The following RIN3 variants were observed in gnomAD, a reference collection of about 807,000 sequenced individuals.
The protein encoded by RIN3 is RAB5 interacting protein 3.
Under a neutral mutation model 76.3 loss-of-function variants are expected in RIN3, and 54 were observed. The ratio of observed to expected loss-of-function variants is 0.71; its 90% CI spans 0.57 to 0.89. The LOEUF is 0.89. Ranked by LOEUF, RIN3 falls within the 40% of genes least tolerant of loss-of-function variation. The pLI, the probability that RIN3 is intolerant of heterozygous loss-of-function variation, is 0.00. For missense variants in RIN3, 1,256 were observed against 1,322.1 expected (o/e 0.95, Z 0.78); for synonymous variants, 576 against 564.0 (o/e 1.02, Z -0.30).
rs1887285596 is a variant in RIN3 at position 92,648,551 on chromosome 14, TG to T, written c.533-3030del. ...TCTTGCCCTTGAAACTAACCTTGCC[TG>T]TGTCCCCTTCCTCAGAGGCCTGACT... On this transcript the variant is annotated intron_variant, in intron 5 of 9. Transcript: ENST00000216487. The surrounding 1 kb of genome is among the most constrained non-coding windows in gnomAD (Gnocchi z 4.1). Among the ~76,000 whole-genome samples, 3 of 152,128 alleles carry T rather than the reference TG, an allele frequency of 2.0e-5. No individual in the cohort carries two copies. In the South Asian group the frequency reaches 6.3e-4, roughly 32 times the overall value.
At chr14:92,544,388 T>C (rs1454565659) in intron 1 of RIN3, among the ~76,000 whole-genome samples, 1 of 128,552 alleles carries the variant, frequency 7.8e-6, no homozygotes, top group Non-Finnish European at 1.6e-5. Context: ...TTCTCTGGCT[T>C]CTGCTCTGGT....
At chr14:92,592,414 A>C (rs985413465) in intron 3 of RIN3, among the ~76,000 whole-genome samples, 1 of 151,182 alleles carries the variant, frequency 6.6e-6, no homozygotes, top group Non-Finnish European at 1.5e-5. Flanking sequence ...AAAAAAAAAA[A>C]AAAGGTACAG....
chr14:92,619,110 T>C (rs1239720774), intron 4 of RIN3, among the ~76,000 whole-genome samples: 1 of 152,214 alleles, frequency 6.6e-6, no homozygotes, highest in African/African-American at 2.4e-5. Context: ...CACATATTAG[T>C]ATTATTCACA....
intron 7 of RIN3, among the ~76,000 whole-genome samples, chr14:92,661,953 G>GA (rs1887904502): frequency 6.6e-6 from 1 of 152,202 alleles, no homozygotes; most frequent in Admixed American, 6.5e-5. Flanking sequence ...AGAACCCAGA[G>GA]AACAGGCCCA....
At position 92,659,252 on chromosome 14, in the gene RIN3, T is replaced by C. The variant is rs1887787621; in HGVS notation, c.2118T>C (p.Asp706=). Residue 706 remains aspartate, a synonymous_variant, in exon 7 of 10, where the codon GAT becomes GAC. Coordinates refer to ENST00000216487, the MANE Select transcript of RIN3 (RefSeq NM_024832.5). ...NSCLHQIHSK[D]GSLQQLKENQ... Reference sequence around the variant, plus strand: ...GCCTGCATCAGATCCACAGCAAGGATGGTTCGCTGCAGCAGCTCAAGGAGA... The same window carrying C: ...GCCTGCATCAGATCCACAGCAAGGACGGTTCGCTGCAGCAGCTCAAGGAGA... 6 of 1,614,076 alleles carry C rather than the reference T, an allele frequency of 3.7e-6. No individual in the cohort carries two copies. The highest frequency in any genetic ancestry group is 2.7e-5 in the African/African-American group (2 of 74,928).
At chr14:92,571,951 A>T (rs895184353) in intron 2 of RIN3, among the ~76,000 whole-genome samples, 7 of 152,302 alleles carry the variant, frequency 4.6e-5, no homozygotes, top group African/African-American at 1.4e-4. Context: ...CAGAAGAAAG[A>T]ATTTGACCAA....
chr14:92,565,983 C>G (rs542415688), intron 2 of RIN3, among the ~76,000 whole-genome samples: 4 of 152,340 alleles, frequency 2.6e-5, no homozygotes, highest in African/African-American at 9.6e-5. Flanking sequence ...TGGATCACCT[C>G]TGACAGAAGT....
chr14:92,561,044 A>AATATATAT lies in RIN3; in HGVS notation c.249+5094_249+5101dup, dbSNP rs1555383857. ...CTAAAAAAAAAAAAAAAAAAAAAAAAATATATATATATCTGCCATATATAT... is the reference window on the plus strand; with the variant it reads ...CTAAAAAAAAAAAAAAAAAAAAAAAAATATATATATATATATATATCTGCCATATATAT... On this transcript the variant is annotated intron_variant, in intron 2 of 9. Coordinates refer to ENST00000216487, the MANE Select transcript of RIN3 (RefSeq NM_024832.5). Among the ~76,000 whole-genome samples the AATATATAT allele has an allele frequency of 7.4e-3, 180 of 24,402 alleles. 9 individuals are homozygous for AATATATAT. The highest frequency in any genetic ancestry group is 0.022 in the African/African-American group (169 of 7,732). The allele number at this position is 24,402 out of a possible 152,430, so 16.0% of individuals were successfully genotyped here. A position where few individuals can be genotyped will look rare whatever the true frequency, so the allele number is the denominator to read the frequency against.
Position 92,688,296 on chromosome 14 carries a change from G to T in RIN3, c.*44G>T, listed in dbSNP as rs997087060. On this transcript the variant is annotated 3_prime_UTR_variant, in exon 10 of 10. Transcript: ENST00000216487. ...CCCCTCACCCCCAGGCGCACGTCTG[G>T]CCCCGCCTCTGGCTGCGCACTCCCG... is the stretch of plus-strand genomic sequence containing the variant. 6.8e-7 allele frequency: 1 copy of T among 1,471,874 alleles called. No individual in the cohort carries two copies. The highest frequency in any genetic ancestry group is 2.3e-5 in the Admixed American group (1 of 43,320). 91.2% of individuals were successfully genotyped at this position (1,471,874 alleles called of 1,614,324 possible). A position where few individuals can be genotyped will look rare whatever the true frequency, so the allele number is the denominator to read the frequency against.
chr14:92,575,845 G>A (rs1416786515), intron 2 of RIN3, among the ~76,000 whole-genome samples: 1 of 152,082 alleles, frequency 6.6e-6, no homozygotes, highest in Non-Finnish European at 1.5e-5. Context: ...GACTTAGAAT[G>A]CCCTAACCTC....
intron 1 of RIN3, among the ~76,000 whole-genome samples, chr14:92,519,483 G>T (rs1896534709): frequency 6.6e-6 from 1 of 152,292 alleles, no homozygotes; most frequent in South Asian, 2.1e-4. Context: ...AGCCTGCCTG[G>T]CCATCAGCTG....
In RIN3 at chr14:92,685,198, C is replaced by T; in HGVS notation, c.2631+48C>T. The T allele has an allele frequency of 6.6e-7, 1 of 1,525,980 alleles. No homozygotes were observed. The highest frequency in any genetic ancestry group is 8.9e-7 in the Non-Finnish European group (1 of 1,127,344). 94.5% of individuals were successfully genotyped at this position (1,525,980 alleles called of 1,614,324 possible). A position where few individuals can be genotyped will look rare whatever the true frequency, so the allele number is the denominator to read the frequency against. ...GCCCGGTGGGGCCATGTCCCAGACA[C>T]CATCCCTGCTGCCTGCTGGCTAAGG... On this transcript the variant is annotated intron_variant, in intron 9 of 9. Coordinates refer to ENST00000216487, the MANE Select transcript of RIN3 (RefSeq NM_024832.5). The surrounding 1 kb of genome is among the most constrained non-coding windows in gnomAD (Gnocchi z 4.7).
At chr14:92,624,818 CT>C (rs774988797) in intron 4 of RIN3, among the ~76,000 whole-genome samples, 1 of 152,176 alleles carries the variant, frequency 6.6e-6, no homozygotes, top group Non-Finnish European at 1.5e-5. Context: ...GGATTTTCCC[CT>C]GGGACTATGG....
chr14:92,602,116 T>C (rs373133466), intron 3 of RIN3, among the ~76,000 whole-genome samples: 2 of 152,338 alleles, frequency 1.3e-5, no homozygotes, highest in East Asian at 1.9e-4. Flanking sequence ...GGCAAGGTCC[T>C]GGACCCAGGA....
chr14:92,534,244 T>TA (rs1327186945), intron 1 of RIN3, among the ~76,000 whole-genome samples: 1 of 150,972 alleles, frequency 6.6e-6, no homozygotes, highest in Non-Finnish European at 1.5e-5. Flanking sequence ...ATGTCATTTT[T>TA]TTTTTTTTTT....
At chr14:92,662,647 G>C (rs969629024) in intron 7 of RIN3, among the ~76,000 whole-genome samples, 2 of 152,176 alleles carry the variant, frequency 1.3e-5, no homozygotes, top group African/African-American at 4.8e-5. Context: ...CGTTTCCCCT[G>C]GGTTTGCTAG....
At chr14:92,539,266 A>G (rs1897078605) in intron 1 of RIN3, among the ~76,000 whole-genome samples, 1 of 152,084 alleles carries the variant, frequency 6.6e-6, no homozygotes, top group Admixed American at 6.5e-5. Context: ...GGCCCATACT[A>G]AGTGCTGAAT....
intron 1 of RIN3, among the ~76,000 whole-genome samples, chr14:92,529,358 C>T (rs1896826327): frequency 6.6e-6 from 1 of 151,802 alleles, no homozygotes; most frequent in Non-Finnish European, 1.5e-5. Flanking sequence ...ACACGATTCT[C>T]CTGCCTCAGC....
intron 1 of RIN3, among the ~76,000 whole-genome samples, chr14:92,526,630 G>A (rs535196788): frequency 2.2e-4 from 34 of 152,144 alleles, no homozygotes; most frequent in Non-Finnish European, 3.4e-4. Context: ...GCGTGTGCCT[G>A]TAGTTCCAGC....
Sources: gnomAD v4.1 joint callset for allele counts (sites outside exome capture counted in the v4.1 genomes callset) on GRCh38, gnomAD v4.1.1 for gene constraint, Gnocchi (gnomAD v3.1) non-coding constraint, MANE v1.5 for transcripts, NCBI Gene and HGNC (gene_info 2026-07-23, HGNC 2026-07-21) for gene names.